BICRAL: variants seen among roughly 807,000 people sequenced by gnomAD.
The protein encoded by BICRAL is BRD4-interacting chromatin-remodeling complex-associated protein-like.
A neutral mutation model predicts 91.8 loss-of-function variants in BICRAL; 8 were observed. The ratio of observed to expected loss-of-function variants is 0.09; its 90% confidence interval spans 0.05 to 0.16. BICRAL has a LOEUF of 0.16. Among genes scored for constraint, BICRAL ranks in the 10% least tolerant of loss-of-function variants. The probability of loss-of-function intolerance (pLI) is 1.00; values close to 1 mark genes in which losing one functional copy is unlikely to be tolerated. For synonymous variants in BICRAL, 445 were observed against 491.1 expected (o/e 0.91, Z 1.24); for missense variants, 1,038 against 1,310.9 (o/e 0.79, Z 3.21).
At chr6:42,762,927 C>CA (rs398065748) in intron 1 of BICRAL, among the ~76,000 whole-genome samples, 3,936 of 126,516 alleles carry the variant, frequency 0.031, 115 homozygotes, top group African/African-American at 0.085. Context: ...GACTCTGTCT[C>CA]AAAAAAAAAA....
chr6:42,845,407 A>G (rs985647171), intron 6 of BICRAL, among the ~76,000 whole-genome samples: 1 of 149,994 alleles, frequency 6.7e-6, no homozygotes, highest in African/African-American at 2.4e-5. Flanking sequence ...TGTGATTACC[A>G]CAGTGCTGTG....
intron 1 of BICRAL, among the ~76,000 whole-genome samples, chr6:42,795,319 T>C (rs1763390109): frequency 6.6e-6 from 1 of 152,056 alleles, no homozygotes; most frequent in Non-Finnish European, 1.5e-5. Flanking sequence ...CAATCCCAGC[T>C]ACTCAGGAGG....
At chr6:42,830,648 C>T (rs966456369) in intron 6 of BICRAL, among the ~76,000 whole-genome samples, 3 of 152,100 alleles carry the variant, frequency 2.0e-5, no homozygotes, top group Non-Finnish European at 4.4e-5. Flanking sequence ...GGGGGTCTCA[C>T]TTTGTCGCCT....
chr6:42,772,771 A>G (rs1416040257), intron 1 of BICRAL, among the ~76,000 whole-genome samples: 2 of 152,120 alleles, frequency 1.3e-5, no homozygotes, highest in African/African-American at 4.8e-5. Flanking sequence ...AGGCCAAGCA[A>G]TAGGCGGACC....
At chr6:42,857,008 T>C (rs1335917362) in intron 9 of BICRAL, 83 bp from the exon 10 acceptor site, 3 of 1,170,282 alleles carry the variant, frequency 2.6e-6, no homozygotes, top group Non-Finnish European at 3.7e-6. Context: ...ATATATCTTA[T>C]TTTATTTGCA....
At chr6:42,773,796 G>A (rs886070048) in intron 1 of BICRAL, among the ~76,000 whole-genome samples, 2 of 152,230 alleles carry the variant, frequency 1.3e-5, no homozygotes, top group Non-Finnish European at 2.9e-5. Flanking sequence ...GATTACAGGC[G>A]TGAGCCACCA....
chr6:42,761,882 C>CT (rs569398899), intron 1 of BICRAL, among the ~76,000 whole-genome samples: 5 of 151,828 alleles, frequency 3.3e-5, no homozygotes, highest in Non-Finnish European at 5.9e-5. Context: ...TCACTGCACT[C>CT]TATCCTGGGT....
At chr6:42,817,029 A>AT (rs1764013739) in intron 2 of BICRAL, among the ~76,000 whole-genome samples, 1 of 151,582 alleles carries the variant, frequency 6.6e-6, no homozygotes, top group Non-Finnish European at 1.5e-5. Flanking sequence ...AAAAAAAAAA[A>AT]AATTGTGTAT....
intron 1 of BICRAL, among the ~76,000 whole-genome samples, chr6:42,809,512 C>T (rs896087862): frequency 4.0e-5 from 6 of 149,272 alleles, no homozygotes; most frequent in Admixed American, 2.0e-4. Context: ...TCTTGGCTCA[C>T]GGCAACCTCT....
rs1412295910 is a variant in BICRAL at position 42,783,239 on chromosome 6, GCCGCGTCCGGCC to G, written c.-102+1139_-102+1150del. Among the ~76,000 whole-genome samples the G allele has an allele frequency of 2.6e-5, 4 of 151,924 alleles. No homozygotes were observed. In the South Asian group the frequency reaches 6.2e-4, roughly 24 times the overall value. ...TTCGAAGCACCGCCGAGGATCCGCG[GCCGCGTCCGGCC>G]GAGCCCCCAGCCGCGCGGAGGACCG... On this transcript the variant is annotated intron_variant, in intron 1 of 12. Transcript: ENST00000314073.
chr6:42,777,551 T>C (rs1762823827), upstream of BICRAL, among the ~76,000 whole-genome samples: 1 of 152,248 alleles, frequency 6.6e-6, no homozygotes, highest in Admixed American at 6.5e-5. Flanking sequence ...TTACTAACTC[T>C]TCTGGTATGT....
chr6:42,788,222 C>CTTTT (rs11304715), intron 1 of BICRAL, among the ~76,000 whole-genome samples: 13 of 113,346 alleles, frequency 1.1e-4, no homozygotes, highest in African/African-American at 2.1e-4. Context: ...GAGCAGCATT[C>CTTTT]TTTTTTTTTT....
chr6:42,829,120 A>C lies in BICRAL; in HGVS notation c.787A>C (p.Asn263His). ...GGTTCATAGACAGACTCCTAATGGCAACTCCTTGTTTGGGAACTCTAGTTC... is the reference window on the plus strand; with the variant it reads ...GGTTCATAGACAGACTCCTAATGGCCACTCCTTGTTTGGGAACTCTAGTTC... ...LLVHRQTPNG[N>H]SLFGNSSSSP... Residue 263 changes from asparagine to histidine, a missense_variant, in exon 6 of 13, where the codon AAC (asparagine) becomes CAC (histidine). This residue lies in a region of BICRAL where 532 missense variants were observed against 724.9 expected (regional missense o/e 0.73). Coordinates refer to ENST00000314073, the MANE Select transcript of BICRAL (RefSeq NM_001393499.1). The C allele has an allele frequency of 2.5e-6, 4 of 1,614,142 alleles. No homozygotes were observed. The highest frequency in any genetic ancestry group is 3.4e-6 in the Non-Finnish European group (4 of 1,180,014).
chr6:42,799,642 T>G (rs1763509965), intron 1 of BICRAL, among the ~76,000 whole-genome samples: 1 of 152,172 alleles, frequency 6.6e-6, no homozygotes, highest in Non-Finnish European at 1.5e-5. Context: ...CAACTGAAAC[T>G]ATGTATCTCA....
chr6:42,820,361 A>G (rs1036637932), intron 2 of BICRAL, among the ~76,000 whole-genome samples: 5 of 152,348 alleles, frequency 3.3e-5, no homozygotes, highest in African/African-American at 4.8e-5. Flanking sequence ...TAAAAAAGTA[A>G]TATCTCCTTT....
At position 42,831,599 on chromosome 6, in the gene BICRAL, TC is replaced by T. The variant is rs1264209474; in HGVS notation, c.1839+1429del. On this transcript the variant is annotated intron_variant, in intron 6 of 12. Coordinates refer to ENST00000314073, the MANE Select transcript of BICRAL (RefSeq NM_001393499.1). ...ACTCATTCTGAGCATGCTCCATAGT[TC>T]CAGCTCCTCCTCTTCTCATCTGGGA... 3.9e-5 allele frequency among the ~76,000 whole-genome samples: 6 copies of T among 152,246 alleles called. No individual in the cohort carries two copies. The East Asian group carries it at 7.7e-4, about 20-fold the overall frequency.
chr6:42,765,492 A>G (rs1762618270), intron 1 of BICRAL, among the ~76,000 whole-genome samples: 1 of 152,218 alleles, frequency 6.6e-6, no homozygotes, highest in Non-Finnish European at 1.5e-5. Flanking sequence ...CCCCTGCTCC[A>G]TGTATGTGTT....
In BICRAL at chr6:42,864,743, G is replaced by T. The variant is rs1265788176; in HGVS notation, c.2537G>T (p.Gly846Val). The T allele has an allele frequency of 2.5e-6, 4 of 1,614,182 alleles. No homozygotes were observed. In the Admixed American group the frequency reaches 6.7e-5, roughly 27 times the overall value. ...CAGTTTGGCCGGAGTGACCAGCATG[G>T]CAGTAAAGCAAGCAGCTCTCTGCAA... ...ETQFGRSDQH[G>V]SKASSSLQPP... Residue 846 changes from glycine to valine, a missense_variant, in exon 13 of 13, where the codon GGC becomes GTC. Physicochemically the swap from Gly to Val is moderately radical, Grantham distance 109. Transcript: ENST00000314073.
intron 1 of BICRAL, among the ~76,000 whole-genome samples, chr6:42,770,412 A>ATTT (rs531644287): frequency 1.6e-4 from 20 of 126,220 alleles, no homozygotes; most frequent in African/African-American, 3.1e-4. Context: ...TATTATTATT[A>ATTT]TTTTTTTTTT....
Sources: gnomAD v4.1 joint callset for allele counts (sites outside exome capture counted in the v4.1 genomes callset) on GRCh38, gnomAD v4.1.1 for gene constraint, gnomAD v4.1.1 regional missense constraint, MANE v1.5 for transcripts, NCBI Gene and HGNC (gene_info 2026-07-23, HGNC 2026-07-21) for gene names.